ARHGAP10: variants seen among roughly 807,000 people sequenced by gnomAD.
ARHGAP10 encodes Rho GTPase activating protein 10.
Under a neutral mutation model 108.6 loss-of-function variants are expected in ARHGAP10, and 87 were observed. That is an observed-to-expected ratio of 0.80 (90% CI 0.67 to 0.96). The LOEUF is 0.96. Among genes scored for constraint, ARHGAP10 ranks in the 40% least tolerant of loss-of-function variants. ARHGAP10 has a pLI of 0.00. For synonymous variants in ARHGAP10, 347 were observed against 341.1 expected (o/e 1.02, Z -0.19); for missense variants, 939 against 954.5 (o/e 0.98, Z 0.21).
At chr4:147,874,439 T>C (rs1734977984) in intron 7 of ARHGAP10, among the ~76,000 whole-genome samples, 1 of 151,946 alleles carries the variant, frequency 6.6e-6, no homozygotes, top group Non-Finnish European at 1.5e-5. Context: ...ATCAAAGACA[T>C]TATTTGTGTA....
At chr4:147,919,022 A>G (rs566982192) in intron 13 of ARHGAP10, among the ~76,000 whole-genome samples, 26 of 152,324 alleles carry the variant, frequency 1.7e-4, no homozygotes, top group African/African-American at 5.1e-4. Context: ...CTGGCCTCCA[A>G]TTGCTTCCGA....
intron 18 of ARHGAP10, among the ~76,000 whole-genome samples, chr4:147,980,281 G>A (rs866518175): frequency 6.6e-6 from 1 of 151,864 alleles, no homozygotes; most frequent in Admixed American, 6.6e-5. Flanking sequence ...CTTTTTCTGT[G>A]TCTATTGAGA....
intron 1 of ARHGAP10, among the ~76,000 whole-genome samples, chr4:147,785,601 C>A (rs1397305845): frequency 2.0e-5 from 3 of 152,164 alleles, no homozygotes; most frequent in East Asian, 3.8e-4. Context: ...GTCATCCAGA[C>A]AACCTTCCCT....
At chr4:147,952,593 T>G (rs1738644738) in intron 15 of ARHGAP10, among the ~76,000 whole-genome samples, 1 of 152,146 alleles carries the variant, frequency 6.6e-6, no homozygotes, top group South Asian at 2.1e-4. Flanking sequence ...TTTTCCCAAT[T>G]TTTTACAACT....
Position 147,818,863 on chromosome 4 carries a change from G to T in ARHGAP10, c.155-3864G>T, listed in dbSNP as rs115573675. Among the ~76,000 whole-genome samples the T allele has an allele frequency of 9.1e-3, 1,385 of 152,226 alleles. 21 individuals carry two copies. Among genetic ancestry groups the T allele is most frequent in the African/African-American group, 0.032 (1,320 of 41,544 alleles). Reference sequence around the variant, plus strand: ...GAAATTACATTTATAATTATTAAAAGAAATAGAATATGGTGTGGTCAGATT... The same window carrying T: ...GAAATTACATTTATAATTATTAAAATAAATAGAATATGGTGTGGTCAGATT... On this transcript the variant is annotated intron_variant, in intron 1 of 22. Transcript: ENST00000336498.
intron 10 of ARHGAP10, among the ~76,000 whole-genome samples, chr4:147,887,021 T>G (rs1286377656): frequency 6.6e-6 from 1 of 152,182 alleles, no homozygotes; most frequent in Non-Finnish European, 1.5e-5. Context: ...CCTCCCAAAG[T>G]GCTGGGATTA....
intron 20 of ARHGAP10, among the ~76,000 whole-genome samples, chr4:148,056,238 T>C (rs6817545): frequency 0.6 from 91,632 of 151,978 alleles, 27,898 homozygotes; most frequent in East Asian, 0.83. Flanking sequence ...AACCCAGCTT[T>C]AGGAAGTGCA....
intron 4 of ARHGAP10, among the ~76,000 whole-genome samples, chr4:147,849,318 G>A (rs534014477): frequency 6.0e-5 from 9 of 150,336 alleles, no homozygotes; most frequent in African/African-American, 2.0e-4. Flanking sequence ...CTATCCAACT[G>A]ATAATTCTAG....
intron 1 of ARHGAP10, among the ~76,000 whole-genome samples, chr4:147,737,624 T>C (rs1329690314): frequency 6.6e-6 from 1 of 152,216 alleles, no homozygotes; most frequent in Non-Finnish European, 1.5e-5. Context: ...CTCTTTGCCT[T>C]GAAGAAGTTA....
chr4:147,850,809 T>G (rs1430862883), intron 4 of ARHGAP10, among the ~76,000 whole-genome samples: 2 of 152,226 alleles, frequency 1.3e-5, no homozygotes, highest in Non-Finnish European at 1.5e-5. Context: ...AGCTGAGTTC[T>G]TATTTTCTTT....
At chr4:147,911,434 C>T (rs1736724365) in intron 12 of ARHGAP10, among the ~76,000 whole-genome samples, 1 of 152,226 alleles carries the variant, frequency 6.6e-6, no homozygotes, top group Non-Finnish European at 1.5e-5. Flanking sequence ...GCAATTTCAG[C>T]TCCCTGCAAG....
intron 16 of ARHGAP10, among the ~76,000 whole-genome samples, chr4:147,963,809 G>A (rs1739094311): frequency 6.6e-6 from 1 of 152,270 alleles, no homozygotes; most frequent in East Asian, 1.9e-4. Flanking sequence ...GCCGTCCTTA[G>A]TATCCCTTGG....
At chr4:148,007,732 G>C (rs908820849) in intron 18 of ARHGAP10, among the ~76,000 whole-genome samples, 2 of 152,124 alleles carry the variant, frequency 1.3e-5, no homozygotes, top group Non-Finnish European at 2.9e-5. Flanking sequence ...TTCTTCTCAA[G>C]CTAAATTCCC....
At chr4:147,954,219 T>A (rs1738709905) in intron 15 of ARHGAP10, among the ~76,000 whole-genome samples, 1 of 151,948 alleles carries the variant, frequency 6.6e-6, no homozygotes, top group South Asian at 2.1e-4. Flanking sequence ...TTGGATTAAG[T>A]TGGTTGATAT....
intron 19 of ARHGAP10, among the ~76,000 whole-genome samples, chr4:148,043,653 T>TATATATATATATATATA (rs1728741025): frequency 5.1e-5 from 3 of 58,374 alleles, no homozygotes; most frequent in Non-Finnish European, 8.2e-5. Flanking sequence ...ATATATATAT[T>TATATATATATATATATA]TTAGGTGTAT....
At chr4:148,023,184 TGTG>T in intron 18 of ARHGAP10, 76 bp from the exon 19 acceptor site, 1 of 1,515,542 alleles carries the variant, frequency 6.6e-7, no homozygotes, top group Non-Finnish European at 9.0e-7. Flanking sequence ...AATCAAATGT[TGTG>T]GTGCTGGTTT....
rs200860294 is a variant in ARHGAP10 at position 147,741,782 on chromosome 4, A to G, written c.154+9327A>G. 6.3e-4 allele frequency among the ~76,000 whole-genome samples: 23 copies of G among 36,448 alleles called. No individual in the cohort carries two copies. In the South Asian group the frequency reaches 0.01, roughly 17 times the overall value. The allele number at this position is 36,448 out of a possible 152,430, so 23.9% of individuals were successfully genotyped here. A position where few individuals can be genotyped will look rare whatever the true frequency, so the allele number is the denominator to read the frequency against. ...TCGTTCTCTTTACACACACACACAC[A>G]CACACACACGCACACACACACACAC... On this transcript the variant is annotated intron_variant, in intron 1 of 22. Coordinates refer to ENST00000336498, the MANE Select transcript of ARHGAP10 (RefSeq NM_024605.4).
At chr4:147,900,226 G>C (rs1322527845) in intron 10 of ARHGAP10, among the ~76,000 whole-genome samples, 2 of 152,138 alleles carry the variant, frequency 1.3e-5, no homozygotes, top group Admixed American at 1.3e-4. Context: ...TGAGGGTGGT[G>C]CCTGATTGGT....
intron 12 of ARHGAP10, among the ~76,000 whole-genome samples, chr4:147,912,548 A>AATATAT (rs59663731): frequency 2.8e-4 from 34 of 120,240 alleles, no homozygotes; most frequent in South Asian, 7.4e-4. Context: ...CAAACAAACA[A>AATATAT]ATATATATAT....
Sources: gnomAD v4.1 joint callset for allele counts (sites outside exome capture counted in the v4.1 genomes callset) on GRCh38, gnomAD v4.1.1 for gene constraint, MANE v1.5 for transcripts, NCBI Gene and HGNC (gene_info 2026-07-23, HGNC 2026-07-21) for gene names.